Variants in PCDH17 observed in about 807,000 individuals in gnomAD.
PCDH17 encodes protocadherin 17, also known as protocadherin-17.
PCDH17 carries 21 observed loss-of-function variants against 67.7 expected under a neutral mutation model. The ratio of observed to expected loss-of-function variants is 0.31; its 90% CI spans 0.22 to 0.45. PCDH17 has a LOEUF of 0.45. Among genes scored for constraint, PCDH17 ranks in the 20% least tolerant of loss-of-function variants. The probability of loss-of-function intolerance (pLI) is 1.00; values close to 1 mark genes in which losing one functional copy is unlikely to be tolerated. For missense variants in PCDH17, 1,471 were observed against 1,564.8 expected (o/e 0.94, Z 1.01); for synonymous variants, 701 against 656.7 (o/e 1.07, Z -1.03).
intron 1 of PCDH17, among the ~76,000 whole-genome samples, chr13:57,657,707 C>T (rs765562326): frequency 6.6e-6 from 1 of 152,134 alleles, no homozygotes; most frequent in Non-Finnish European, 1.5e-5. Context: ...TAGTTTTCAA[C>T]GCAATGGTAT....
rs531156670 is a variant in PCDH17, at chr13:57,634,091, C to T, written c.1545C>T (p.His515=). 1.2e-6 allele frequency: 2 copies of T among 1,613,084 alleles called. No homozygotes were observed. The highest frequency in any genetic ancestry group is 1.1e-5 in the South Asian group (1 of 91,036). The change falls in exon 1 of 4, where the codon CAC becomes CAT. Residue 515 remains histidine, a synonymous_variant. Coordinates refer to ENST00000377918, the MANE Select transcript of PCDH17 (RefSeq NM_001040429.3). This position sits in a 1 kb window ranked among gnomAD's most constrained non-coding sequence, Gnocchi z 7.8. ...GTVSYSILPS[H]IGDVSIYTYV... The stretch of plus-strand genomic sequence containing the variant: ...TATCCTACTCTATCCTGCCCTCGCA[C>T]ATCGGCGACGTGTCTATCTACACCT...
chr13:57,642,352 C>T (rs1187824311), intron 1 of PCDH17, among the ~76,000 whole-genome samples: 1 of 151,600 alleles, frequency 6.6e-6, no homozygotes, highest in Non-Finnish European at 1.5e-5. Flanking sequence ...GCTATACATT[C>T]ATAATTGTTT....
At position 57,635,185 on chromosome 13, in the gene PCDH17, G is replaced by T. The variant is rs993776945; in HGVS notation, c.2565+74G>T. The stretch of plus-strand genomic sequence containing the variant: ...GAGCTGTCCTGAAACCTTTGGAACA[G>T]GGCAAGCCACTCTGCCAGCAGCAGT... On this transcript the variant is annotated intron_variant, in intron 1 of 3. Coordinates refer to ENST00000377918, the MANE Select transcript of PCDH17 (RefSeq NM_001040429.3). 15 of 1,480,646 alleles carry T rather than the reference G, an allele frequency of 1.0e-5. No homozygotes were observed. In the African/African-American group the frequency reaches 1.8e-4, roughly 18 times the overall value. The allele number at this position is 1,480,646 out of a possible 1,614,324, so 91.7% of individuals were successfully genotyped here. A position where few individuals can be genotyped will look rare whatever the true frequency, so the allele number is the denominator to read the frequency against.
intron 3 of PCDH17, among the ~76,000 whole-genome samples, chr13:57,685,771 A>G (rs1222389241): frequency 6.6e-6 from 1 of 151,914 alleles, no homozygotes; most frequent in African/African-American, 2.4e-5. Context: ...ATACGGTAAT[A>G]ACTAAGGAAA....
At chr13:57,671,621 T>G (rs2138032036) in intron 3 of PCDH17, among the ~76,000 whole-genome samples, 1 of 152,064 alleles carries the variant, frequency 6.6e-6, no homozygotes, top group East Asian at 1.9e-4. Context: ...TTTCTAAAAT[T>G]TAATAGTCTC....
chr13:57,718,315 A>G (rs1384157641), intron 3 of PCDH17, among the ~76,000 whole-genome samples: 1 of 152,072 alleles, frequency 6.6e-6, no homozygotes, highest in Non-Finnish European at 1.5e-5. Context: ...TAGAATACCC[A>G]TTTAAAAATC....
Position 57,633,595 on chromosome 13 carries a change from C to A in PCDH17, c.1049C>A (p.Ser350Tyr). 1.9e-6 allele frequency: 3 copies of A among 1,612,848 alleles called. No individual in the cohort carries two copies. Among genetic ancestry groups the A allele is most frequent in the Non-Finnish European group, 2.5e-6 (3 of 1,180,032 alleles). The change falls in exon 1 of 4, where the codon TCC becomes TAC. Residue 350 changes from serine to tyrosine, a missense_variant. Ser to Tyr is a moderately radical substitution (Grantham distance 144). Transcript: ENST00000377918. This position sits in a 1 kb window ranked among gnomAD's most constrained non-coding sequence, Gnocchi z 6.2. ...ATCGACCGCAACGACAATGCGCCGT[C>A]CATCGGTTTCGTCTCCGTGCGCCAG... ...KLIDRNDNAP[S>Y]IGFVSVRQGA...
intron 3 of PCDH17, among the ~76,000 whole-genome samples, chr13:57,687,573 T>G (rs1436545208): frequency 6.6e-6 from 1 of 151,692 alleles, no homozygotes; most frequent in Non-Finnish European, 1.5e-5. Context: ...AATTGTATTA[T>G]CAAAGGAGTA....
chr13:57,715,269 A>G (rs921469146), intron 3 of PCDH17, among the ~76,000 whole-genome samples: 64 of 151,914 alleles, frequency 4.2e-4, no homozygotes, highest in African/African-American at 1.4e-3. Flanking sequence ...TCACAAATGA[A>G]TGGTACTGAA....
chr13:57,676,550 A>G (rs890196180), intron 3 of PCDH17, among the ~76,000 whole-genome samples: 1 of 151,926 alleles, frequency 6.6e-6, no homozygotes, highest in African/African-American at 2.4e-5. Flanking sequence ...TTGGCATAGA[A>G]GCATACTTAA....
intron 1 of PCDH17, among the ~76,000 whole-genome samples, chr13:57,663,512 G>T (rs1955209863): frequency 6.6e-6 from 1 of 151,844 alleles, no homozygotes; most frequent in Admixed American, 6.6e-5. Flanking sequence ...ATTTTTCTAT[G>T]CAAATACTGT....
chr13:57,705,484 A>G (rs1056107578), intron 3 of PCDH17, among the ~76,000 whole-genome samples: 3 of 152,152 alleles, frequency 2.0e-5, no homozygotes, highest in Non-Finnish European at 2.9e-5. Context: ...AAATATAAAG[A>G]CATGTATTCT....
intron 3 of PCDH17, among the ~76,000 whole-genome samples, chr13:57,704,039 G>GA (rs1318514908): frequency 6.6e-6 from 1 of 151,970 alleles, no homozygotes; most frequent in Non-Finnish European, 1.5e-5. Flanking sequence ...GAAAGTCACA[G>GA]AAAAAAATTT....
At chr13:57,667,555 G>GT (rs1180620112) in intron 3 of PCDH17, among the ~76,000 whole-genome samples, 1 of 151,818 alleles carries the variant, frequency 6.6e-6, no homozygotes, top group South Asian at 2.1e-4. Context: ...CTGTGAATAG[G>GT]TTTTTTATGT....
chr13:57,632,503 C>A lies in PCDH17; in HGVS notation c.-44C>A. On this transcript the variant is annotated 5_prime_UTR_variant, in exon 1 of 4. Transcript: ENST00000377918. ...AGGCTGGCGCGCACTCCCTCTCTGG[C>A]TCCTCCAGTCCGATTGCTCCTGCCC... 1 of 1,573,614 alleles carries A rather than the reference C, an allele frequency of 6.4e-7. No individual in the cohort carries two copies. Among genetic ancestry groups the A allele is most frequent in the East Asian group, 2.3e-5 (1 of 43,098 alleles).
intron 3 of PCDH17, among the ~76,000 whole-genome samples, chr13:57,682,667 G>A (rs909305438): frequency 1.3e-5 from 2 of 151,656 alleles, no homozygotes; most frequent in African/African-American, 4.8e-5. Flanking sequence ...TAGTCTGCAG[G>A]CTTTGTGTGG....
chr13:57,665,674 C>T (rs920932228), intron 1 of PCDH17, among the ~76,000 whole-genome samples: 1 of 152,078 alleles, frequency 6.6e-6, no homozygotes, highest in African/African-American at 2.4e-5. Context: ...TCTCTTTCTC[C>T]CAAAAGACTC....
At chr13:57,716,477 C>A (rs991141098) in intron 3 of PCDH17, among the ~76,000 whole-genome samples, 1 of 151,812 alleles carries the variant, frequency 6.6e-6, no homozygotes, top group African/African-American at 2.4e-5. Flanking sequence ...TTTCTTAATC[C>A]TTTACCTGGA....
chr13:57,720,054 T>G (rs1955859747), intron 3 of PCDH17, among the ~76,000 whole-genome samples: 1 of 152,016 alleles, frequency 6.6e-6, no homozygotes, highest in South Asian at 2.1e-4. Context: ...GCAGATAATT[T>G]GATGTTTTTA....
Sources: allele counts gnomAD v4.1 joint callset (sites outside exome capture counted in the v4.1 genomes callset), GRCh38; gene constraint gnomAD v4.1.1; non-coding constraint Gnocchi (gnomAD v3.1); transcripts MANE v1.5; gene names NCBI Gene and HGNC (gene_info 2026-07-23, HGNC 2026-07-21).